The following PLCB1 variants were observed in gnomAD, a reference collection of about 807,000 sequenced individuals.
The protein encoded by PLCB1 is 1-phosphatidylinositol 4,5-bisphosphate phosphodiesterase beta-1.
A neutral mutation model predicts 161.8 loss-of-function variants in PLCB1; 46 were observed. That is an observed-to-expected ratio of 0.28 (90% CI 0.22 to 0.36). The LOEUF is 0.36. Among genes scored for constraint, PLCB1 ranks in the 10% least tolerant of loss-of-function variants. The probability of loss-of-function intolerance (pLI) is 1.00; values close to 1 mark genes in which losing one functional copy is unlikely to be tolerated. For synonymous variants in PLCB1, 517 were observed against 503.7 expected (o/e 1.03, Z -0.35); for missense variants, 1,016 against 1,472.5 (o/e 0.69, Z 5.07).
At chr20:8,660,641 C>T (rs995793477) in intron 9 of PLCB1, among the ~76,000 whole-genome samples, 3 of 151,956 alleles carry the variant, frequency 2.0e-5, no homozygotes, top group Non-Finnish European at 2.9e-5. Flanking sequence ...ACCCCATAAT[C>T]CTAGAAAAAC....
intron 3 of PLCB1, among the ~76,000 whole-genome samples, chr20:8,502,009 A>T (rs1385011008): frequency 6.6e-6 from 1 of 150,850 alleles, no homozygotes; most frequent in Non-Finnish European, 1.5e-5. Context: ...AAAAAAACAA[A>T]TATTGAAACC....
At chr20:8,393,498 A>AT (rs1407429165) in intron 3 of PLCB1, among the ~76,000 whole-genome samples, 3 of 152,096 alleles carry the variant, frequency 2.0e-5, no homozygotes, top group Non-Finnish European at 4.4e-5. Context: ...TCTTAAAAAA[A>AT]ATATAGGTGG....
intron 2 of PLCB1, among the ~76,000 whole-genome samples, chr20:8,350,228 G>A (rs1986139385): frequency 6.6e-6 from 1 of 152,068 alleles, no homozygotes; most frequent in Admixed American, 6.5e-5. Flanking sequence ...TTTTTCTGAT[G>A]CTCTCCCTCG....
At chr20:8,874,909 A>C (rs1274765547) in intron 31 of PLCB1, among the ~76,000 whole-genome samples, 2 of 151,962 alleles carry the variant, frequency 1.3e-5, no homozygotes, top group Admixed American at 6.6e-5. Flanking sequence ...CCTTCTTATA[A>C]ATTTTGTCAA....
intron 2 of PLCB1, among the ~76,000 whole-genome samples, chr20:8,158,477 A>G (rs376078976): frequency 6.6e-6 from 1 of 152,200 alleles, no homozygotes; most frequent in Admixed American, 6.5e-5. Flanking sequence ...GGGTAGGGAC[A>G]CAGCCAAACC....
At chr20:8,570,304 A>G (rs185452369) in intron 3 of PLCB1, among the ~76,000 whole-genome samples, 1 of 152,300 alleles carries the variant, frequency 6.6e-6, no homozygotes, top group East Asian at 1.9e-4. Context: ...GGTGGAGTCA[A>G]TTCCCCTCTA....
intron 3 of PLCB1, among the ~76,000 whole-genome samples, chr20:8,494,657 G>A (rs1233190934): frequency 6.6e-6 from 1 of 151,948 alleles, no homozygotes; most frequent in Non-Finnish European, 1.5e-5. Context: ...TCCATTTTCT[G>A]TGTCAATTTC....
At chr20:8,524,531 G>C (rs1039288578) in intron 3 of PLCB1, among the ~76,000 whole-genome samples, 2 of 152,084 alleles carry the variant, frequency 1.3e-5, no homozygotes, top group African/African-American at 4.8e-5. Context: ...GTCATGTTTG[G>C]CCAACAGTAT....
intron 31 of PLCB1, among the ~76,000 whole-genome samples, chr20:8,828,379 C>T (rs988411776): frequency 7.2e-5 from 11 of 152,202 alleles, no homozygotes; most frequent in Middle Eastern, 3.2e-3. Flanking sequence ...CAGTTAGTCT[C>T]TTGACAGCAA....
intron 3 of PLCB1, among the ~76,000 whole-genome samples, chr20:8,404,314 A>C (rs1454274500): frequency 6.6e-6 from 1 of 152,172 alleles, no homozygotes; most frequent in Non-Finnish European, 1.5e-5. Flanking sequence ...GTGTAGAAAA[A>C]ACATTTGGGA....
intron 2 of PLCB1, among the ~76,000 whole-genome samples, chr20:8,274,574 G>A (rs1315861695): frequency 6.6e-6 from 1 of 151,118 alleles, no homozygotes; most frequent in Non-Finnish European, 1.5e-5. Context: ...ATTTAAATAA[G>A]ATCAATGTTC....
intron 2 of PLCB1, among the ~76,000 whole-genome samples, chr20:8,188,963 C>T (rs1175621044): frequency 6.6e-6 from 1 of 151,990 alleles, no homozygotes; most frequent in African/African-American, 2.4e-5. Flanking sequence ...TGCTATAAAG[C>T]AACTGATTTA....
chr20:8,281,053 A>C (rs1470250784), intron 2 of PLCB1, among the ~76,000 whole-genome samples: 1 of 152,240 alleles, frequency 6.6e-6, no homozygotes, highest in Non-Finnish European at 1.5e-5. Flanking sequence ...CTATGGCTAC[A>C]TAAAAAAATT....
intron 26 of PLCB1, among the ~76,000 whole-genome samples, chr20:8,769,271 T>G (rs1030139389): frequency 3.9e-5 from 6 of 152,124 alleles, no homozygotes; most frequent in Admixed American, 6.5e-5. Flanking sequence ...AAATAAAAAT[T>G]AACATTTTAT....
At chr20:8,180,154 G>A (rs1451232515) in intron 2 of PLCB1, among the ~76,000 whole-genome samples, 2 of 151,926 alleles carry the variant, frequency 1.3e-5, no homozygotes, top group East Asian at 1.9e-4. Context: ...CACCGCGCCC[G>A]GCCTGTTGAG....
chr20:8,320,694 G>A (rs1235156059), intron 2 of PLCB1, among the ~76,000 whole-genome samples: 1 of 151,972 alleles, frequency 6.6e-6, no homozygotes, highest in Non-Finnish European at 1.5e-5. Context: ...AAAGTCATTT[G>A]GTACATATCT....
intron 31 of PLCB1, among the ~76,000 whole-genome samples, chr20:8,796,120 C>G (rs1259135189): frequency 6.6e-6 from 1 of 152,156 alleles, no homozygotes; most frequent in Non-Finnish European, 1.5e-5. Context: ...CACAGGTTTT[C>G]TGCTTAATTT....
intron 3 of PLCB1, among the ~76,000 whole-genome samples, chr20:8,519,676 T>G (rs930023476): frequency 4.6e-5 from 7 of 152,176 alleles, no homozygotes; most frequent in African/African-American, 1.4e-4. Flanking sequence ...TATTCTTACT[T>G]GAGAAACACA....
intron 31 of PLCB1, among the ~76,000 whole-genome samples, chr20:8,869,749 G>T (rs1987549632): frequency 6.6e-6 from 1 of 152,206 alleles, no homozygotes; most frequent in South Asian, 2.1e-4. Context: ...GCGGAGCTTA[G>T]CTGGACTTGT....
Sources: allele counts gnomAD v4.1 joint callset (sites outside exome capture counted in the v4.1 genomes callset), GRCh38; gene constraint gnomAD v4.1.1; transcripts MANE v1.5; gene names NCBI Gene and HGNC (gene_info 2026-07-23, HGNC 2026-07-21).